Variants in SPAM1 observed in about 807,000 individuals in gnomAD.
The protein encoded by SPAM1 is sperm adhesion molecule 1, also known as hyaluronidase PH-20.
SPAM1 carries 22 observed loss-of-function variants against 29.6 expected under a neutral mutation model. That is an observed-to-expected ratio of 0.74 (90% confidence interval 0.53 to 1.06). SPAM1 has a LOEUF of 1.06. Among genes scored for constraint, SPAM1 ranks in the 50% least tolerant of loss-of-function variants. The pLI is 0.00. For missense variants in SPAM1, 534 were observed against 604.0 expected, an observed-to-expected ratio of 0.88 and a Z score of 1.21; for synonymous variants, 194 against 204.6, an observed-to-expected ratio of 0.95 and a Z score of 0.44.
In SPAM1 at chr7:123,954,157, G is replaced by C. The variant is rs1792187007; in HGVS notation, c.587G>C (p.Gly196Ala). Residue 196 changes from glycine to alanine, a missense_variant, in exon 3 of 5, where the codon GGG (glycine) becomes GCG (alanine). By Grantham distance (60) the Gly-to-Ala change is moderately conservative. Transcript: ENST00000682466. ...EKAKQEFEKA[G>A]KDFLVETIKL... ...GCAAAACAAGAATTTGAAAAGGCAG[G>C]GAAGGATTTCCTGGTAGAGACTATA... The C allele has an allele frequency of 3.1e-6, 5 of 1,613,062 alleles. No homozygotes were observed. Among genetic ancestry groups the C allele is most frequent in the Non-Finnish European group, 4.2e-6 (5 of 1,179,626 alleles).
downstream of SPAM1, among the ~76,000 whole-genome samples, chr7:123,960,800 GA>G (rs35877000): frequency 6.6e-6 from 1 of 150,858 alleles, no homozygotes; most frequent in South Asian, 2.1e-4. Context: ...CATTTTCCGT[GA>G]AAAAAAAGGA....
chr7:123,954,236 G>C lies in SPAM1; in HGVS notation c.666G>C (p.Pro222=), dbSNP rs769222158. 1.5e-5 allele frequency: 25 copies of C among 1,613,224 alleles called. No homozygotes were observed. In the Admixed American group the frequency reaches 4.2e-4, roughly 27 times the overall value. ...ACTTGTGGGGTTATTATCTTTTTCC[G>C]GATTGTTACAACCATCACTATAAGA... The part of the protein sequence containing the change: ...PNHLWGYYLF[P]DCYNHHYKKP... The change falls in exon 3 of 5, where the codon CCG becomes CCC. Residue 222 remains proline, a synonymous_variant. Coordinates refer to ENST00000682466, the MANE Select transcript of SPAM1 (RefSeq NM_153189.3).
At chr7:123,955,162 AAG>A in intron 4 of SPAM1, 76 bp downstream of exon 4, 1 of 1,008,096 alleles carries the variant, frequency 9.9e-7, no homozygotes, top group East Asian at 2.4e-5. Flanking sequence ...GGTATTAAAT[AAG>A]AAAATAAGTA....
Position 123,938,712 on chromosome 7 carries a change from G to C in SPAM1, c.-318-11160G>C, listed in dbSNP as rs568564295. Among the ~76,000 whole-genome samples, 6 of 152,304 alleles carry C rather than the reference G, an allele frequency of 3.9e-5. No homozygotes were observed. In the East Asian group the frequency reaches 1.2e-3, roughly 29 times the overall value. On this transcript the variant is annotated intron_variant, in intron 1 of 4. Coordinates refer to ENST00000682466, the MANE Select transcript of SPAM1 (RefSeq NM_153189.3). ...ATAAAACCCAAAAGTCATCTGACTG[G>C]TCGAGAGAAGAGAAACACTGGTTAT...
chr7:123,943,369 T>A (rs1808485451), intron 1 of SPAM1, among the ~76,000 whole-genome samples: 1 of 152,132 alleles, frequency 6.6e-6, no homozygotes, highest in Admixed American at 6.6e-5. Context: ...AAACTGCAGA[T>A]GACAAAAGTC....
chr7:123,953,770 C>A lies in SPAM1; in HGVS notation c.200C>A (p.Pro67Gln). The change falls in exon 3 of 5, where the codon CCA becomes CAA. Residue 67 changes from proline to glutamine, a missense_variant. Transcript: ENST00000682466. Reference sequence around the variant, plus strand: ...TTTTGTCTTGGAAAATTTGATGAGCCACTAGATATGAGCCTCTTCTCTTTC... The same window carrying A: ...TTTTGTCTTGGAAAATTTGATGAGCAACTAGATATGAGCCTCTTCTCTTTC... ...SEFCLGKFDE[P>Q]LDMSLFSFIG... 6.2e-7 allele frequency: 1 copy of A among 1,612,878 alleles called. No individual in the cohort carries two copies. The highest frequency in any genetic ancestry group is 8.5e-7 in the Non-Finnish European group (1 of 1,179,522).
chr7:123,931,716 A>G (rs1449126069), intron 1 of SPAM1, among the ~76,000 whole-genome samples: 4 of 152,152 alleles, frequency 2.6e-5, no homozygotes, highest in Admixed American at 2.6e-4. Flanking sequence ...ATTTTTCAGC[A>G]TACCCTCCAA....
At chr7:123,943,898 T>C (rs1808498778) in intron 1 of SPAM1, among the ~76,000 whole-genome samples, 1 of 152,152 alleles carries the variant, frequency 6.6e-6, no homozygotes, top group Admixed American at 6.5e-5. Flanking sequence ...TAAATATGTC[T>C]CTCAAATCTT....
chr7:123,953,271 T>C (rs762424480), intron 2 of SPAM1, 94 bp from the exon 3 acceptor site: 5 of 268,290 alleles, frequency 1.9e-5, no homozygotes, highest in Non-Finnish European at 3.4e-5. Context: ...AAAATGAAAT[T>C]AAACCCCCTG....
Position 123,959,904 on chromosome 7 carries a change from C to A in SPAM1, c.1465C>A (p.Leu489Ile), listed in dbSNP as rs775926758. 1 of 1,612,438 alleles carries A rather than the reference C, an allele frequency of 6.2e-7. No homozygotes were observed. Among genetic ancestry groups the A allele is most frequent in the African/African-American group, 1.3e-5 (1 of 74,950 alleles). ...TTTCTACAATGCTTCACCCTCCACACTATCTGCCACAATGTTCATTGTTAG... is the reference window on the plus strand; with the variant it reads ...TTTCTACAATGCTTCACCCTCCACAATATCTGCCACAATGTTCATTGTTAG... ...QIFYNASPST[L>I]SATMFIVSIL... The change falls in exon 5 of 5, where the codon CTA becomes ATA. Residue 489 changes from leucine (L) to isoleucine (I), a missense_variant. Physicochemically the swap from Leu to Ile is conservative, Grantham distance 5 (BLOSUM62 2). Transcript: ENST00000682466.
chr7:123,965,571 A>G (rs1040840831), intron 5 of SPAM1, among the ~76,000 whole-genome samples: 1 of 151,992 alleles, frequency 6.6e-6, no homozygotes, highest in African/African-American at 2.4e-5. Flanking sequence ...TCCTTTCCCC[A>G]TTGCTAATTT....
chr7:123,931,732 A>T (rs765891194), intron 1 of SPAM1, among the ~76,000 whole-genome samples: 6 of 152,092 alleles, frequency 3.9e-5, no homozygotes, highest in Non-Finnish European at 8.8e-5. Flanking sequence ...TCCAATGTCT[A>T]GTGTTCCTAG....
At chr7:123,938,061 TTA>T (rs1808310075) in intron 1 of SPAM1, among the ~76,000 whole-genome samples, 1 of 152,098 alleles carries the variant, frequency 6.6e-6, no homozygotes, top group Non-Finnish European at 1.5e-5. Flanking sequence ...AAGACTTTAG[TTA>T]TAGTTTTGCT....
chr7:123,951,291 T>C (rs1000306298), intron 2 of SPAM1, among the ~76,000 whole-genome samples: 1 of 152,146 alleles, frequency 6.6e-6, no homozygotes. Context: ...ATTTTTGTTT[T>C]TGTTGCATTT....
chr7:123,970,592 A>AAATAATAATAATAATAAT (rs150055865), intron 6 of SPAM1, among the ~76,000 whole-genome samples: 3,516 of 146,156 alleles, frequency 0.024, 162 homozygotes, highest in African/African-American at 0.085. Context: ...CCATCTCTAC[A>AAATAATAATAATAATAAT]AATAATAATA....
At chr7:123,957,903 C>G (rs559347565) in intron 4 of SPAM1, among the ~76,000 whole-genome samples, 1 of 151,932 alleles carries the variant, frequency 6.6e-6, no homozygotes, top group South Asian at 2.1e-4. Context: ...CACTTTGAAT[C>G]TCTCCTTCCT....
chr7:123,934,125 C>T (rs1584947846), intron 1 of SPAM1, among the ~76,000 whole-genome samples: 1 of 152,114 alleles, frequency 6.6e-6, no homozygotes, highest in Non-Finnish European at 1.5e-5. Context: ...TAGGCTATAT[C>T]ATCTAGGTTT....
At chr7:123,943,272 T>C (rs1345620070) in intron 1 of SPAM1, among the ~76,000 whole-genome samples, 1 of 152,118 alleles carries the variant, frequency 6.6e-6, no homozygotes, top group Admixed American at 6.6e-5. Context: ...TGTCACAATC[T>C]CCAAAGTTAT....
At chr7:123,946,353 G>T (rs1808575547) in intron 1 of SPAM1, among the ~76,000 whole-genome samples, 1 of 152,134 alleles carries the variant, frequency 6.6e-6, no homozygotes, top group African/African-American at 2.4e-5. Flanking sequence ...GTTGGTTTGG[G>T]CCATAGAAGC....
Sources: gnomAD v4.1 joint callset for allele counts (sites outside exome capture counted in the v4.1 genomes callset) on GRCh38, gnomAD v4.1.1 for gene constraint, MANE v1.5 for transcripts, NCBI Gene and HGNC (gene_info 2026-07-23, HGNC 2026-07-21) for gene names.